Variants in SLTM observed in about 807,000 individuals in gnomAD.
SLTM encodes the protein SAFB like transcription modulator, also known as SAFB-like transcription modulator.
In SLTM, 43 loss-of-function variants were observed where a neutral mutation model predicts 134.6. The ratio of observed to expected loss-of-function variants is 0.32; its 90% CI spans 0.25 to 0.41. SLTM has a LOEUF of 0.41. Ranked by LOEUF, SLTM falls within the 10% of genes least tolerant of loss-of-function variation. The pLI, the probability that SLTM is intolerant of heterozygous loss-of-function variation, is 1.00. For missense variants in SLTM, 1,055 were observed against 1,288.8 expected (o/e 0.82, Z 2.78); for synonymous variants, 424 against 432.3 (o/e 0.98, Z 0.24).
intron 2 of SLTM, among the ~76,000 whole-genome samples, chr15:58,927,240 G>A (rs1364946837): frequency 2.6e-5 from 4 of 151,694 alleles, no homozygotes; most frequent in Non-Finnish European, 5.9e-5. Context: ...TCTTTTTTTT[G>A]TTTGTTTTCT....
At chr15:58,885,726 G>A (rs1320196213) in intron 19 of SLTM, among the ~76,000 whole-genome samples, 2 of 152,064 alleles carry the variant, frequency 1.3e-5, no homozygotes, top group African/African-American at 2.4e-5. Context: ...GGAGGTTGCC[G>A]TGAGCCGAGA....
chr15:58,890,319 G>A lies in SLTM; in HGVS notation c.2041C>T (p.Arg681Cys). 1 of 1,614,032 alleles carries A rather than the reference G, an allele frequency of 6.2e-7. No homozygotes were observed. The highest frequency in any genetic ancestry group is 8.5e-7 in the Non-Finnish European group (1 of 1,179,976). The change falls in exon 15 of 21, where the codon CGC becomes TGC. Residue 681 changes from arginine to cysteine, a missense_variant. By Grantham distance (180) the Arg-to-Cys change is radical. This residue lies in a region of SLTM where 776 missense variants were observed against 962.2 expected (regional missense o/e 0.81). Transcript: ENST00000380516. ...RQKLERERMERERLERERIRI... is the reference protein window; with the variant it reads ...RQKLERERMECERLERERIRI... ...ATGCGTTCCCTTTCCAAGCGTTCGC[G>A]TTCCATTCTCTCTCTCTCTAGTTTT...
chr15:58,915,178 G>A (rs1040397612), intron 3 of SLTM, among the ~76,000 whole-genome samples: 13 of 151,674 alleles, frequency 8.6e-5, no homozygotes, highest in Non-Finnish European at 1.3e-4. Flanking sequence ...GCAACAGGGC[G>A]AGACTCCATC....
At chr15:58,904,951 C>G (rs986452794) in intron 5 of SLTM, among the ~76,000 whole-genome samples, 18 of 152,028 alleles carry the variant, frequency 1.2e-4, no homozygotes, top group Non-Finnish European at 2.5e-4. Context: ...CCTCATGATC[C>G]GCCTGCCTCG....
At chr15:58,930,048 A>C (rs538962441) in intron 2 of SLTM, among the ~76,000 whole-genome samples, 1 of 152,290 alleles carries the variant, frequency 6.6e-6, no homozygotes, top group South Asian at 2.1e-4. Context: ...GCCGGATTTC[A>C]AGAAGACTAG....
intron 2 of SLTM, among the ~76,000 whole-genome samples, chr15:58,925,600 A>G (rs2037401284): frequency 6.6e-6 from 1 of 152,174 alleles, no homozygotes; most frequent in Non-Finnish European, 1.5e-5. Flanking sequence ...CACCTCCCAA[A>G]GTGCTGGGTT....
intron 5 of SLTM, among the ~76,000 whole-genome samples, chr15:58,907,396 T>C (rs1432286134): frequency 6.6e-6 from 1 of 152,044 alleles, no homozygotes; most frequent in Non-Finnish European, 1.5e-5. Flanking sequence ...CCGAGATGGG[T>C]GGACTGCTTG....
At chr15:58,914,383 T>C (rs1199405845) in intron 3 of SLTM, among the ~76,000 whole-genome samples, 1 of 152,210 alleles carries the variant, frequency 6.6e-6, no homozygotes, top group Non-Finnish European at 1.5e-5. Context: ...ATCCAGCAGA[T>C]TTAAGAAAAG....
intron 2 of SLTM, among the ~76,000 whole-genome samples, chr15:58,928,979 A>G (rs1441338255): frequency 6.6e-6 from 1 of 152,184 alleles, no homozygotes; most frequent in East Asian, 1.9e-4. Context: ...TTTTGTCTAT[A>G]TAATTATTAA....
At chr15:58,890,960 G>A (rs1353668717) in intron 14 of SLTM, among the ~76,000 whole-genome samples, 1 of 152,152 alleles carries the variant, frequency 6.6e-6, no homozygotes, top group Non-Finnish European at 1.5e-5. Flanking sequence ...GTCCTTAAGG[G>A]CTATTTTGGA....
chr15:58,925,664 C>A (rs2037404329), intron 2 of SLTM, among the ~76,000 whole-genome samples: 1 of 152,090 alleles, frequency 6.6e-6, no homozygotes, highest in Non-Finnish European at 1.5e-5. Flanking sequence ...AAAATTACTA[C>A]AAAGATAATT....
rs1309410796 is a variant in SLTM at position 58,933,449 on chromosome 15, T to C, written c.117A>G (p.Leu39=). The C allele has an allele frequency of 1.3e-6, 2 of 1,594,638 alleles. No homozygotes were observed. The highest frequency in any genetic ancestry group is 1.7e-6 in the Non-Finnish European group (2 of 1,171,412). The change falls in exon 1 of 21, where the codon TTA becomes TTG. Residue 39 remains leucine, a synonymous_variant. Coordinates refer to ENST00000380516, the MANE Select transcript of SLTM (RefSeq NM_024755.4). Reference sequence around the variant, plus strand: ...GCACGGTCTTGACTCCGGTGATGTCTAAGTTCCGCCGCTTCAGCTCGGACT... The same window carrying C: ...GCACGGTCTTGACTCCGGTGATGTCCAAGTTCCGCCGCTTCAGCTCGGACT... The part of the protein sequence containing the change: ...DLKSELKRRN[L]DITGVKTVLI...
intron 20 of SLTM, among the ~76,000 whole-genome samples, chr15:58,880,826 A>G (rs934953987): frequency 1.3e-5 from 2 of 151,960 alleles, no homozygotes; most frequent in Non-Finnish European, 2.9e-5. Context: ...TTGGCCTCCC[A>G]AAGTACTGAA....
chr15:58,917,955 C>T (rs1367860458), intron 2 of SLTM, among the ~76,000 whole-genome samples: 2 of 151,816 alleles, frequency 1.3e-5, no homozygotes, highest in Non-Finnish European at 2.9e-5. Flanking sequence ...AGTTTCACCA[C>T]GTTGGCCAGG....
chr15:58,931,019 C>G (rs1486513132), intron 2 of SLTM, among the ~76,000 whole-genome samples: 1 of 152,030 alleles, frequency 6.6e-6, no homozygotes, highest in Non-Finnish European at 1.5e-5. Context: ...GCACAGCATG[C>G]TAGGTAAAAG....
At chr15:58,883,559 T>C in intron 20 of SLTM, 67 bp downstream of exon 20, 2 of 1,588,652 alleles carry the variant, frequency 1.3e-6, no homozygotes, top group Non-Finnish European at 1.7e-6. Flanking sequence ...TCAGAAACTA[T>C]AATGACTTTT....
intron 5 of SLTM, among the ~76,000 whole-genome samples, chr15:58,907,799 A>G (rs1446273777): frequency 6.6e-6 from 1 of 152,198 alleles, no homozygotes; most frequent in Non-Finnish European, 1.5e-5. Flanking sequence ...CTGAGTAAGA[A>G]TTATAATCAT....
chr15:58,931,567 C>T (rs1038336411), intron 2 of SLTM, among the ~76,000 whole-genome samples: 63 of 152,264 alleles, frequency 4.1e-4, no homozygotes, highest in African/African-American at 1.3e-3. Flanking sequence ...CCAGATATAT[C>T]ATGTCCACCC....
intron 19 of SLTM, among the ~76,000 whole-genome samples, chr15:58,885,922 A>G (rs138392237): frequency 6.6e-6 from 1 of 152,320 alleles, no homozygotes; most frequent in Non-Finnish European, 1.5e-5. Context: ...TTATGAAAGT[A>G]TGTCCTAACT....
Sources: allele counts gnomAD v4.1 joint callset (sites outside exome capture counted in the v4.1 genomes callset), GRCh38; gene constraint gnomAD v4.1.1; regional missense constraint gnomAD v4.1.1; transcripts MANE v1.5; gene names NCBI Gene and HGNC (gene_info 2026-07-23, HGNC 2026-07-21).